MAEA: variants seen among roughly 807,000 people sequenced by gnomAD.
The protein encoded by MAEA is macrophage erythroblast attacher, E3 ubiquitin ligase.
MAEA carries 22 observed loss-of-function variants against 46.2 expected under a neutral mutation model. The ratio of observed to expected loss-of-function variants is 0.48; its 90% CI spans 0.34 to 0.68. MAEA has a LOEUF of 0.68. MAEA is among the 30% of genes least tolerant of loss of function. The probability of loss-of-function intolerance (pLI) is 0.01; values close to 1 mark genes in which losing one functional copy is unlikely to be tolerated. For missense variants in MAEA, 393 were observed against 558.1 expected (o/e 0.70, Z 2.98); for synonymous variants, 246 against 222.6 (o/e 1.11, Z -0.94).
rs1361980428 is a variant in MAEA, at chr4:1,338,536, G to A, written c.1014G>A (p.Leu338=). ...LPMAHCANSR[L]VCKISGDVMN... is the part of the protein sequence containing the mutation. ...TGGCCCACTGTGCCAACTCCCGCCT[G>A]GTCTGCAAGATTTCTGGCGACGTGA... The change falls in exon 8 of 9, where the codon CTG becomes CTA. Residue 338 remains leucine, a synonymous_variant. Transcript: ENST00000303400. 1.2e-6 allele frequency: 2 copies of A among 1,613,392 alleles called. No individual in the cohort carries two copies. Among genetic ancestry groups the A allele is most frequent in the South Asian group, 2.2e-5 (2 of 91,090 alleles).
intron 6 of MAEA, chr4:1,334,828 G>A (rs1712535613): frequency 1.0e-6 from 1 of 981,462 alleles, no homozygotes. Context: ...AGGATGCCAG[G>A]AGCTGTTCTT....
chr4:1,290,223 G>A (rs886268547), intron 1 of MAEA, among the ~76,000 whole-genome samples: 2 of 152,088 alleles, frequency 1.3e-5, no homozygotes, highest in Non-Finnish European at 2.9e-5. Context: ...AGCTGCGTGA[G>A]CCGAGCCAGC....
chr4:1,324,972 C>T (rs932192218), intron 4 of MAEA, among the ~76,000 whole-genome samples: 6 of 151,902 alleles, frequency 3.9e-5, no homozygotes, highest in Admixed American at 1.3e-4. Context: ...CGAGACTGGA[C>T]GGGGCCTGAA....
intron 6 of MAEA, among the ~76,000 whole-genome samples, chr4:1,336,068 G>A (rs13137852): frequency 0.24 from 33,258 of 139,198 alleles, 3,586 homozygotes; most frequent in African/African-American, 0.42. Context: ...AAATCACAGA[G>A]TTAAGTCAGC....
intron 1 of MAEA, among the ~76,000 whole-genome samples, chr4:1,301,459 A>G (rs1181653906): frequency 6.6e-6 from 1 of 152,264 alleles, no homozygotes; most frequent in Non-Finnish European, 1.5e-5. Context: ...TAATGCAACA[A>G]ATTACTTAGG....
intron 2 of MAEA, among the ~76,000 whole-genome samples, chr4:1,312,805 G>T (rs1288386566): frequency 1.3e-5 from 2 of 152,184 alleles, no homozygotes; most frequent in Non-Finnish European, 2.9e-5. Context: ...GTGGACAGGG[G>T]CCTTGGGACT....
intron 1 of MAEA, among the ~76,000 whole-genome samples, chr4:1,291,746 G>A (rs1244766101): frequency 1.3e-5 from 2 of 152,204 alleles, no homozygotes; most frequent in Non-Finnish European, 2.9e-5. Context: ...GAAGGTCTCC[G>A]GAAAGGATTC....
chr4:1,315,410 T>A lies in MAEA; in HGVS notation c.266T>A (p.Ile89Asn). 6.2e-7 allele frequency: 1 copy of A among 1,613,838 alleles called. No individual in the cohort carries two copies. Among genetic ancestry groups the A allele is most frequent in the Non-Finnish European group, 8.5e-7 (1 of 1,179,982 alleles). Reference protein sequence around the residue: ...SVLKRKAVESIQAEDESAKLC... With the variant: ...SVLKRKAVESNQAEDESAKLC... The stretch of plus-strand genomic sequence containing the variant: ...TGTGTGGCTCAGGCGGTGGAATCCA[T>A]CCAGGCCGAGGACGAGAGCGCCAAG... Residue 89 changes from isoleucine (I) to asparagine (N), a missense_variant, in exon 3 of 9, where the codon ATC becomes AAC. Physicochemically the swap from Ile to Asn is moderately radical, Grantham distance 149. This residue lies in a region of MAEA where 358 missense variants were observed against 537.9 expected (regional missense o/e 0.67). Transcript: ENST00000303400.
chr4:1,325,583 C>A (rs573013073), intron 4 of MAEA, among the ~76,000 whole-genome samples: 1 of 152,304 alleles, frequency 6.6e-6, no homozygotes, highest in Admixed American at 6.5e-5. Flanking sequence ...TCTAGAGCAC[C>A]CCCTCGGCAG....
chr4:1,328,323 G>A (rs1284687058), intron 5 of MAEA, among the ~76,000 whole-genome samples: 2 of 152,176 alleles, frequency 1.3e-5, no homozygotes, highest in East Asian at 1.9e-4. Context: ...GAGGCTGTCC[G>A]CTGGCTTCCC....
rs1458643692 is a variant in MAEA, at chr4:1,336,995, G to A, written c.899+1G>A. On this transcript the variant is annotated splice_donor_variant, in intron 7 of 8. Coordinates refer to ENST00000303400, the MANE Select transcript of MAEA (RefSeq NM_001017405.3). LOFTEE classifies it high-confidence loss of function. Reference sequence around the variant, plus strand: ...CTGGCCTCTCAGCCATCAAGACACCGTATCCTACCTCCCGTGCGCAGTGCG... The same window carrying A: ...CTGGCCTCTCAGCCATCAAGACACCATATCCTACCTCCCGTGCGCAGTGCG... The A allele has an allele frequency of 7.4e-6, 12 of 1,613,484 alleles. No individual in the cohort carries two copies. Among genetic ancestry groups the A allele is most frequent in the South Asian group, 4.4e-5 (4 of 91,080 alleles).
At chr4:1,295,462 G>A (rs1385724889) in intron 1 of MAEA, among the ~76,000 whole-genome samples, 3 of 151,908 alleles carry the variant, frequency 2.0e-5, no homozygotes, top group Admixed American at 6.5e-5. Flanking sequence ...CCTGAGTGCT[G>A]CCCCACTCGA....
At chr4:1,301,665 C>T (rs1735331068) in intron 1 of MAEA, among the ~76,000 whole-genome samples, 2 of 152,182 alleles carry the variant, frequency 1.3e-5, no homozygotes, top group African/African-American at 2.4e-5. Flanking sequence ...TGTGTCCCTG[C>T]ACTCCAGCCT....
intron 7 of MAEA, 162 bp from the exon 8 acceptor site, chr4:1,338,260 C>G: frequency 3.5e-6 from 2 of 568,008 alleles, no homozygotes; most frequent in African/African-American, 3.8e-5. Context: ...GTTTAGCTGT[C>G]GAGTGCAGCA....
intron 1 of MAEA, among the ~76,000 whole-genome samples, chr4:1,295,432 C>G (rs550705601): frequency 7.2e-4 from 109 of 152,128 alleles, no homozygotes; most frequent in African/African-American, 2.3e-3. Flanking sequence ...TGATGGCTGA[C>G]TGTGGACCCG....
chr4:1,292,393 C>T (rs1179776988), intron 1 of MAEA, among the ~76,000 whole-genome samples: 1 of 152,130 alleles, frequency 6.6e-6, no homozygotes, highest in Non-Finnish European at 1.5e-5. Context: ...GGGTGCCTGG[C>T]AGGTACTTAT....
At position 1,339,534 on chromosome 4, in the gene MAEA, G is replaced by C. The variant is rs892000615; in HGVS notation, c.*365G>C. Reference sequence around the variant, plus strand: ...TTTCAGTTTCTTTCCTTCTGTGAACGATGAGACTTGGAGAACGGGCTGGTC... The same window carrying C: ...TTTCAGTTTCTTTCCTTCTGTGAACCATGAGACTTGGAGAACGGGCTGGTC... On this transcript the variant is annotated 3_prime_UTR_variant, in exon 9 of 9. Transcript: ENST00000303400. 1.8e-5 allele frequency: 5 copies of C among 273,484 alleles called. No individual in the cohort carries two copies. The highest frequency in any genetic ancestry group is 2.3e-5 in the African/African-American group (1 of 44,092). 16.9% of individuals were successfully genotyped at this position (273,484 alleles called of 1,614,324 possible). A position where few individuals can be genotyped will look rare whatever the true frequency, so the allele number is the denominator to read the frequency against.
chr4:1,292,141 G>C (rs1734163896), intron 1 of MAEA, among the ~76,000 whole-genome samples: 1 of 152,224 alleles, frequency 6.6e-6, no homozygotes, highest in Non-Finnish European at 1.5e-5. Context: ...GGAAGGTGGG[G>C]GGTGGATGTT....
intron 5 of MAEA, chr4:1,329,630 C>A (rs1361978677): frequency 1.0e-6 from 1 of 985,396 alleles, no homozygotes; most frequent in Admixed American, 6.1e-5. Context: ...GTGCCAGGGC[C>A]TGGTCAGGGA....
Sources: gnomAD v4.1 joint callset for allele counts (sites outside exome capture counted in the v4.1 genomes callset) on GRCh38, gnomAD v4.1.1 for gene constraint, gnomAD v4.1.1 regional missense constraint, MANE v1.5 for transcripts, NCBI Gene and HGNC (gene_info 2026-07-23, HGNC 2026-07-21) for gene names.